Variants in ADAMTSL1 observed in about 807,000 individuals in gnomAD.
ADAMTSL1 encodes ADAMTS-like protein 1.
A neutral mutation model predicts 201.8 loss-of-function variants in ADAMTSL1; 126 were observed. The ratio of observed to expected loss-of-function variants is 0.62; its 90% CI spans 0.54 to 0.72. ADAMTSL1 has a LOEUF of 0.72. Ranked by LOEUF, ADAMTSL1 falls within the 30% of genes least tolerant of loss-of-function variation. The pLI is 0.00. For missense variants in ADAMTSL1, 2,679 were observed against 2,277.8 expected (o/e 1.18, Z -3.59); for synonymous variants, 1,121 against 903.4 (o/e 1.24, Z -4.32).
intron 2 of ADAMTSL1, among the ~76,000 whole-genome samples, chr9:18,371,672 CT>C (rs1414681816): frequency 5.9e-5 from 9 of 152,088 alleles, no homozygotes; most frequent in African/African-American, 2.4e-5. Context: ...AATTTATCAA[CT>C]TTTTTTATGA....
chr9:18,095,416 CTTTTTT>C (rs35164794), intron 1 of ADAMTSL1, among the ~76,000 whole-genome samples: 3,399 of 100,104 alleles, frequency 0.034, 75 homozygotes, highest in Middle Eastern at 0.093. Context: ...TTCTTTCTTT[CTTTTTT>C]TTTTTTTTTT....
intron 2 of ADAMTSL1, among the ~76,000 whole-genome samples, chr9:18,317,633 CT>C (rs1563882919): frequency 6.6e-6 from 1 of 152,208 alleles, no homozygotes; most frequent in East Asian, 1.9e-4. Context: ...GGCTGAAAGC[CT>C]GCTAAAAGGC....
At chr9:18,408,141 C>A (rs1194228091) in intron 2 of ADAMTSL1, among the ~76,000 whole-genome samples, 1 of 152,008 alleles carries the variant, frequency 6.6e-6, no homozygotes, top group Admixed American at 6.6e-5. Context: ...TAAGTTCAAG[C>A]TGAGAGGAAC....
At chr9:18,303,022 G>T (rs1017417041) in intron 2 of ADAMTSL1, among the ~76,000 whole-genome samples, 2 of 152,140 alleles carry the variant, frequency 1.3e-5, no homozygotes, top group Non-Finnish European at 2.9e-5. Context: ...AAGATGCAGA[G>T]AAACTCACGC....
chr9:18,299,650 T>C lies in ADAMTSL1; in HGVS notation c.207+135669T>C, dbSNP rs543912325. ...TGGAATTCTTAGCTTGTAATGGAATTGGCTGCAAAGTCAAGACTGCAGAAC... is the reference window on the plus strand; with the variant it reads ...TGGAATTCTTAGCTTGTAATGGAATCGGCTGCAAAGTCAAGACTGCAGAAC... On this transcript the variant is annotated intron_variant, in intron 2 of 29. Transcript: ENST00000680146. 2.0e-5 allele frequency among the ~76,000 whole-genome samples: 3 copies of C among 152,262 alleles called. No individual in the cohort carries two copies. The South Asian group carries it at 6.2e-4, about 32-fold the overall frequency.
chr9:17,934,881 C>G (rs1376055752), intron 1 of ADAMTSL1, among the ~76,000 whole-genome samples: 1 of 138,942 alleles, frequency 7.2e-6, no homozygotes, highest in African/African-American at 2.7e-5. Context: ...TTCTTCCCCT[C>G]TTTCTGCATC....
chr9:18,854,869 T>C (rs1271461592), intron 23 of ADAMTSL1, among the ~76,000 whole-genome samples: 3 of 152,222 alleles, frequency 2.0e-5, no homozygotes, highest in Admixed American at 6.5e-5. Context: ...TGCAATCTAA[T>C]ATTCTCCAAA....
rs58492343 is a variant in ADAMTSL1 at position 18,099,357 on chromosome 9, T to TATATATATATA, written c.88-64505_88-64504insATATATATATA. Among the ~76,000 whole-genome samples, 368 of 56,906 alleles carry TATATATATATA rather than the reference T, an allele frequency of 6.5e-3. 6 individuals are homozygous for TATATATATATA. Among genetic ancestry groups the TATATATATATA allele is most frequent in the African/African-American group, 0.012 (142 of 11,384 alleles). The allele number at this position is 56,906 out of a possible 152,430, so 37.3% of individuals were successfully genotyped here. A position where few individuals can be genotyped will look rare whatever the true frequency, so the allele number is the denominator to read the frequency against. On this transcript the variant is annotated intron_variant, in intron 1 of 29. Coordinates refer to the ADAMTSL1 transcript ENST00000680146. ...TATATATATATATATATATATATAT[T>TATATATATATA]TTTTTTTTTTTTTTTAACATCCATT...
At chr9:18,059,820 T>A (rs760500219) in intron 1 of ADAMTSL1, among the ~76,000 whole-genome samples, 1 of 152,172 alleles carries the variant, frequency 6.6e-6, no homozygotes, top group African/African-American at 2.4e-5. Flanking sequence ...AAGAATGAAT[T>A]TGGCTTTTTT....
At chr9:18,354,207 T>C (rs181006095) in intron 2 of ADAMTSL1, among the ~76,000 whole-genome samples, 3 of 151,788 alleles carry the variant, frequency 2.0e-5, no homozygotes, top group Non-Finnish European at 4.4e-5. Flanking sequence ...AGTTGTATAG[T>C]GCTCCCTTGT....
At chr9:18,645,337 T>C (rs1827736541) in intron 7 of ADAMTSL1, among the ~76,000 whole-genome samples, 1 of 152,204 alleles carries the variant, frequency 6.6e-6, no homozygotes, top group Admixed American at 6.5e-5. Flanking sequence ...GTTTTGTAGG[T>C]TGCCTGTTCA....
chr9:18,680,590 G>C (rs1033357885), intron 11 of ADAMTSL1, 74 bp downstream of exon 11: 2 of 1,535,698 alleles, frequency 1.3e-6, no homozygotes, highest in South Asian at 1.1e-5. Flanking sequence ...GGCCCCACCG[G>C]GTACCCTGAG....
chr9:18,470,679 TC>T (rs1821172581), upstream of ADAMTSL1, among the ~76,000 whole-genome samples: 2 of 152,002 alleles, frequency 1.3e-5, no homozygotes. Context: ...TGTAACGAAT[TC>T]TCCCCAGGGA....
chr9:17,982,759 A>C (rs755061890), intron 1 of ADAMTSL1, among the ~76,000 whole-genome samples: 26 of 152,120 alleles, frequency 1.7e-4, no homozygotes, highest in Non-Finnish European at 3.2e-4. Context: ...AAAGGGAATC[A>C]CCTGTCTGAG....
intron 2 of ADAMTSL1, among the ~76,000 whole-genome samples, chr9:18,269,858 T>C (rs1832287120): frequency 6.6e-6 from 1 of 151,598 alleles, no homozygotes. Flanking sequence ...TTTTTTTTTT[T>C]TTAATTTGTG....
rs577070291 is a variant in ADAMTSL1, at chr9:18,664,720, T to A, written c.1085+2647T>A. On this transcript the variant is annotated intron_variant, in intron 9 of 28. Transcript: ENST00000380548. ...TTTATTCCCTATCAAGGCTTGCATG[T>A]GTCATTGACAGCAAAAACCGCATTA... 2.8e-4 allele frequency among the ~76,000 whole-genome samples: 42 copies of A among 152,190 alleles called. No individual in the cohort carries two copies. In the South Asian group the frequency reaches 6.0e-3, roughly 22 times the overall value.
chr9:18,145,092 G>A (rs1231112246), intron 1 of ADAMTSL1, among the ~76,000 whole-genome samples: 3 of 152,066 alleles, frequency 2.0e-5, no homozygotes, highest in Non-Finnish European at 2.9e-5. Context: ...TGTTATTTAG[G>A]TATAACCTGA....
At chr9:18,028,917 T>G (rs1468068719) in intron 1 of ADAMTSL1, among the ~76,000 whole-genome samples, 1 of 152,212 alleles carries the variant, frequency 6.6e-6, no homozygotes, top group Non-Finnish European at 1.5e-5. Context: ...TCCATTTGTT[T>G]GTGTCGTCTT....
intron 2 of ADAMTSL1, among the ~76,000 whole-genome samples, chr9:18,435,178 T>C (rs990952807): frequency 1.3e-5 from 2 of 152,228 alleles, no homozygotes; most frequent in African/African-American, 2.4e-5. Context: ...CACACAGTTA[T>C]GGTATATTGA....
Sources: gnomAD v4.1 joint callset for allele counts (sites outside exome capture counted in the v4.1 genomes callset) on GRCh38, gnomAD v4.1.1 for gene constraint, MANE v1.5 for transcripts, NCBI Gene and HGNC (gene_info 2026-07-23, HGNC 2026-07-21) for gene names.